Variants in MARCHF1 observed in about 807,000 individuals in gnomAD.
MARCHF1 encodes E3 ubiquitin-protein ligase MARCHF1.
MARCHF1 carries 40 observed loss-of-function variants against 54.2 expected under a neutral mutation model. The ratio of observed to expected loss-of-function variants is 0.74; its 90% CI spans 0.57 to 0.96. The LOEUF (loss-of-function observed/expected upper bound fraction) is 0.96, where lower values mean the gene tolerates loss of function less well. Among genes scored for constraint, MARCHF1 ranks in the 40% least tolerant of loss-of-function variants. The probability of loss-of-function intolerance (pLI) is 0.00; values close to 1 mark genes in which losing one functional copy is unlikely to be tolerated. For synonymous variants in MARCHF1, 236 were observed against 236.3 expected, an observed-to-expected ratio of 1.00 and a Z score of 0.01; for missense variants, 586 against 656.5, an observed-to-expected ratio of 0.89 and a Z score of 1.17.
intron 4 of MARCHF1, among the ~76,000 whole-genome samples, chr4:163,853,782 C>G (rs1446190363): frequency 6.6e-6 from 1 of 151,968 alleles, no homozygotes; most frequent in Non-Finnish European, 1.5e-5. Flanking sequence ...TGGATGATGT[C>G]CAAACTAACA....
chr4:164,382,433 A>T (rs1731395333), intron 1 of MARCHF1, among the ~76,000 whole-genome samples: 1 of 152,336 alleles, frequency 6.6e-6, no homozygotes, highest in Admixed American at 6.5e-5. Flanking sequence ...ATGCTGGGAT[A>T]CCAAACTGGT....
At chr4:163,829,750 A>T (rs766013900) in intron 4 of MARCHF1, among the ~76,000 whole-genome samples, 2 of 152,224 alleles carry the variant, frequency 1.3e-5, no homozygotes, top group Non-Finnish European at 2.9e-5. Context: ...AATGTATATT[A>T]TGAATTTAGA....
At chr4:163,932,484 C>G in intron 3 of MARCHF1, 1 of 362,576 alleles carries the variant, frequency 2.8e-6, no homozygotes, top group Admixed American at 3.2e-5. Flanking sequence ...TCACCAGGAG[C>G]AAATTCCATC....
intron 9 of MARCHF1, among the ~76,000 whole-genome samples, chr4:163,536,167 T>C (rs910834226): frequency 9.2e-5 from 14 of 152,338 alleles, no homozygotes; most frequent in Admixed American, 6.5e-5. Flanking sequence ...TGTAAACTTA[T>C]ATTAAGCAGT....
intron 3 of MARCHF1, among the ~76,000 whole-genome samples, chr4:163,986,403 C>G (rs189932693): frequency 0.013 from 1,913 of 151,336 alleles, 22 homozygotes; most frequent in Admixed American, 0.016. Flanking sequence ...TAGCTGGGAC[C>G]ACAGGTGCCC....
At chr4:164,358,967 A>G (rs1191928469) in intron 1 of MARCHF1, among the ~76,000 whole-genome samples, 1 of 152,084 alleles carries the variant, frequency 6.6e-6, no homozygotes, top group Non-Finnish European at 1.5e-5. Flanking sequence ...TATATGGAGG[A>G]AAATATGATA....
chr4:164,121,757 T>A (rs1212648177), intron 1 of MARCHF1, among the ~76,000 whole-genome samples: 2 of 152,008 alleles, frequency 1.3e-5, no homozygotes, highest in African/African-American at 4.8e-5. Flanking sequence ...TTGAATTCCA[T>A]CAAAAATTCA....
chr4:164,053,782 A>G (rs1449421644), intron 2 of MARCHF1, among the ~76,000 whole-genome samples: 1 of 152,234 alleles, frequency 6.6e-6, no homozygotes, highest in African/African-American at 2.4e-5. Context: ...AGTTGGTTTG[A>G]AAAAGTGCAG....
intron 1 of MARCHF1, among the ~76,000 whole-genome samples, chr4:164,124,288 T>C (rs937780159): frequency 6.6e-6 from 1 of 151,978 alleles, no homozygotes; most frequent in Non-Finnish European, 1.5e-5. Context: ...CAAATGCTGG[T>C]GAGGATGTGG....
chr4:164,361,603 T>C (rs930806943), intron 1 of MARCHF1, among the ~76,000 whole-genome samples: 3 of 152,164 alleles, frequency 2.0e-5, no homozygotes, highest in Non-Finnish European at 4.4e-5. Context: ...GCTTCGCCTG[T>C]CTCTTACTAC....
chr4:163,760,157 T>C (rs1746789740), intron 4 of MARCHF1, among the ~76,000 whole-genome samples: 1 of 152,184 alleles, frequency 6.6e-6, no homozygotes. Context: ...TTCTTTGGCC[T>C]GTGTCTCCCT....
chr4:163,556,531 G>T (rs766214634), intron 8 of MARCHF1, among the ~76,000 whole-genome samples: 1 of 146,710 alleles, frequency 6.8e-6, no homozygotes, highest in Non-Finnish European at 1.5e-5. Flanking sequence ...TCTGAACATT[G>T]TATTTAATGT....
chr4:164,371,981 C>A (rs1054935147), intron 1 of MARCHF1, among the ~76,000 whole-genome samples: 1 of 152,214 alleles, frequency 6.6e-6, no homozygotes, highest in Non-Finnish European at 1.5e-5. Flanking sequence ...CTCCTGCAGG[C>A]TGTGCCAGGA....
Position 163,612,394 on chromosome 4 carries a change from G to T in MARCHF1, c.887C>A (p.Thr296Asn). 1 of 1,535,398 alleles carries T rather than the reference G, an allele frequency of 6.5e-7. No homozygotes were observed. The highest frequency in any genetic ancestry group is 8.7e-7 in the Non-Finnish European group (1 of 1,146,458). Reference sequence around the variant, plus strand: ...GCCTTCTGGAACTCCCAGTATTTCAGTGCTGGAATCTGTTTCTGAAAATGT... The same window carrying T: ...GCCTTCTGGAACTCCCAGTATTTCATTGCTGGAATCTGTTTCTGAAAATGT... ...KKTFSETDSS[T>N]EILGVPEGSK... The change falls in exon 7 of 10, where the codon ACT becomes AAT. Residue 296 changes from threonine (T) to asparagine (N), a missense_variant. Thr to Asn is a moderately conservative substitution (Grantham distance 65). Coordinates refer to ENST00000514618, the MANE Select transcript of MARCHF1 (RefSeq NM_001394959.1).
intron 4 of MARCHF1, among the ~76,000 whole-genome samples, chr4:163,763,482 T>G (rs1746887733): frequency 6.6e-6 from 1 of 152,120 alleles, no homozygotes; most frequent in African/African-American, 2.4e-5. Context: ...AAATTGTCTG[T>G]TATATGCAGA....
intron 1 of MARCHF1, among the ~76,000 whole-genome samples, chr4:164,198,581 C>T (rs1421840231): frequency 6.6e-6 from 1 of 152,172 alleles, no homozygotes; most frequent in Non-Finnish European, 1.5e-5. Context: ...ACAATCTTTT[C>T]ACAGGCTATG....
intron 1 of MARCHF1, among the ~76,000 whole-genome samples, chr4:164,297,977 T>C (rs1734454008): frequency 6.6e-6 from 1 of 152,152 alleles, no homozygotes; most frequent in Admixed American, 6.5e-5. Flanking sequence ...CTGATATAAC[T>C]TCATAAGACA....
Position 163,995,525 on chromosome 4 carries a change from T to C in MARCHF1, c.-247-6816A>G, listed in dbSNP as rs115871442. ...GGTGTCTCTGAGTGACCAGCCTTCA[T>C]CCTGAAGCTACACAGGGGCTGCCAG... On this transcript the variant is annotated intron_variant, in intron 2 of 9. Coordinates refer to ENST00000514618, the MANE Select transcript of MARCHF1 (RefSeq NM_001394959.1). Among the ~76,000 whole-genome samples the C allele has an allele frequency of 6.0e-3, 906 of 152,112 alleles. 6 individuals carry two copies. Among genetic ancestry groups the C allele is most frequent in the African/African-American group, 0.02 (849 of 41,524 alleles).
intron 5 of MARCHF1, among the ~76,000 whole-genome samples, chr4:163,619,610 T>C (rs920102281): frequency 2.0e-5 from 3 of 152,094 alleles, no homozygotes; most frequent in African/African-American, 7.2e-5. Flanking sequence ...TATCTGTCTA[T>C]ATGTATCTTT....
Sources: gnomAD v4.1 joint callset for allele counts (sites outside exome capture counted in the v4.1 genomes callset) on GRCh38, gnomAD v4.1.1 for gene constraint, MANE v1.5 for transcripts, NCBI Gene and HGNC (gene_info 2026-07-23, HGNC 2026-07-21) for gene names.